The following RANBP17 variants were observed in gnomAD, a reference collection of about 807,000 sequenced individuals.
The protein encoded by RANBP17 is ran-binding protein 17.
In RANBP17, 158 loss-of-function variants were observed where a neutral mutation model predicts 141.2. The ratio of observed to expected loss-of-function variants is 1.12; its 90% CI spans 0.98 to 1.28. The LOEUF (loss-of-function observed/expected upper bound fraction) is 1.28, where lower values mean the gene tolerates loss of function less well. Among genes scored for constraint, RANBP17 ranks in the 50% most tolerant of loss-of-function variants. The probability of loss-of-function intolerance (pLI) is 0.00; values close to 1 mark genes in which losing one functional copy is unlikely to be tolerated. For missense variants in RANBP17, 1,438 were observed against 1,290.7 expected, an observed-to-expected ratio of 1.11 and a Z score of -1.75; for synonymous variants, 430 against 450.0, an observed-to-expected ratio of 0.96 and a Z score of 0.56.
At chr5:170,925,989 G>A (rs1411830951) in intron 12 of RANBP17, among the ~76,000 whole-genome samples, 1 of 152,102 alleles carries the variant, frequency 6.6e-6, no homozygotes, top group Non-Finnish European at 1.5e-5. Flanking sequence ...TAAAATCAGT[G>A]CTCCTTAACA....
In RANBP17 at chr5:171,051,023, G is replaced by A. The variant is rs1782919101; in HGVS notation, c.1710+82646G>A. ...TGTTCTACTTATATCTGACTGGGTG[G>A]TTTCTGATAAAAATTCCATGTTCAT... On this transcript the variant is annotated intron_variant, in intron 14 of 27. Transcript: ENST00000523189. Among the ~76,000 whole-genome samples, 3 of 152,142 alleles carry A rather than the reference G, an allele frequency of 2.0e-5. No homozygotes were observed. The South Asian group carries it at 6.2e-4, about 32-fold the overall frequency.
At chr5:171,111,411 C>A (rs1755222754) in intron 14 of RANBP17, among the ~76,000 whole-genome samples, 1 of 151,988 alleles carries the variant, frequency 6.6e-6, no homozygotes, top group Non-Finnish European at 1.5e-5. Context: ...TTGCTTTTTT[C>A]TTTTCCCTTC....
intron 15 of RANBP17, among the ~76,000 whole-genome samples, 194 bp downstream of exon 15, chr5:171,170,397 T>C (rs183541882): frequency 2.6e-5 from 4 of 152,272 alleles, no homozygotes; most frequent in African/African-American, 9.6e-5. Flanking sequence ...CCAAAGGACA[T>C]TGTAATTTGT....
intron 14 of RANBP17, among the ~76,000 whole-genome samples, chr5:171,079,630 C>T (rs1785142255): frequency 6.6e-6 from 1 of 152,182 alleles, no homozygotes; most frequent in African/African-American, 2.4e-5. Flanking sequence ...CGAGGCCAGA[C>T]CCTCTGCCAG....
intron 14 of RANBP17, among the ~76,000 whole-genome samples, chr5:171,035,032 A>G (rs969179051): frequency 6.6e-6 from 1 of 152,104 alleles, no homozygotes; most frequent in African/African-American, 2.4e-5. Context: ...AATAAAAAAT[A>G]AGAAAATTAA....
chr5:170,929,108 G>A (rs1271174405), intron 12 of RANBP17, among the ~76,000 whole-genome samples: 1 of 152,060 alleles, frequency 6.6e-6, no homozygotes, highest in Non-Finnish European at 1.5e-5. Flanking sequence ...TTATAACTTT[G>A]CTTAATTTAT....
At chr5:171,286,138 C>T (rs1474188516) in intron 25 of RANBP17, among the ~76,000 whole-genome samples, 1 of 152,172 alleles carries the variant, frequency 6.6e-6, no homozygotes, top group African/African-American at 2.4e-5. Flanking sequence ...AAAAGCATCC[C>T]TTAGCTTTCC....
chr5:171,283,810 C>T (rs1767998855), intron 25 of RANBP17, among the ~76,000 whole-genome samples: 1 of 150,590 alleles, frequency 6.6e-6, no homozygotes, highest in Non-Finnish European at 1.5e-5. Flanking sequence ...AAGAAAGAGA[C>T]TGGGGAAACA....
intron 12 of RANBP17, among the ~76,000 whole-genome samples, chr5:170,939,194 A>G (rs2127471935): frequency 6.6e-6 from 1 of 152,294 alleles, no homozygotes; most frequent in East Asian, 1.9e-4. Flanking sequence ...GAAAAACGAT[A>G]TACAATAGAG....
chr5:171,112,499 T>C (rs1476566032), intron 14 of RANBP17, among the ~76,000 whole-genome samples: 1 of 151,834 alleles, frequency 6.6e-6, no homozygotes, highest in Non-Finnish European at 1.5e-5. Context: ...AAGCAGGTCA[T>C]TGTCACCACA....
At chr5:171,174,390 T>C (rs1760299265) in intron 16 of RANBP17, among the ~76,000 whole-genome samples, 1 of 152,068 alleles carries the variant, frequency 6.6e-6, no homozygotes, top group African/African-American at 2.4e-5. Context: ...TCTGTCTAAA[T>C]GGGAAAAGGA....
At chr5:171,002,811 A>G (rs1779308355) in intron 14 of RANBP17, among the ~76,000 whole-genome samples, 1 of 152,126 alleles carries the variant, frequency 6.6e-6, no homozygotes, top group Admixed American at 6.5e-5. Flanking sequence ...AGAAGGAAAT[A>G]TGGGGAAATG....
chr5:170,990,240 A>G (rs904874405), intron 14 of RANBP17, among the ~76,000 whole-genome samples: 5 of 151,878 alleles, frequency 3.3e-5, no homozygotes, highest in Non-Finnish European at 7.4e-5. Flanking sequence ...AATGAATGCA[A>G]TGTGTATTTA....
At chr5:171,274,121 T>TGA (rs1450514248) in intron 25 of RANBP17, among the ~76,000 whole-genome samples, 44 of 121,100 alleles carry the variant, frequency 3.6e-4, no homozygotes, top group Non-Finnish European at 6.6e-4. Context: ...AGTGTGTGTG[T>TGA]GTGTGTGTGT....
At chr5:170,974,846 T>C (rs1278978555) in intron 14 of RANBP17, among the ~76,000 whole-genome samples, 1 of 152,172 alleles carries the variant, frequency 6.6e-6, no homozygotes, top group African/African-American at 2.4e-5. Context: ...CAAGGAGCAC[T>C]GCATGAGAAT....
chr5:171,019,777 G>T (rs759139800), intron 14 of RANBP17, among the ~76,000 whole-genome samples: 13 of 151,704 alleles, frequency 8.6e-5, no homozygotes, highest in South Asian at 6.2e-4. Context: ...CTTCAATTCA[G>T]TTCTTCTCTG....
chr5:170,896,577 G>T (rs1028107780), intron 5 of RANBP17, among the ~76,000 whole-genome samples: 2 of 152,054 alleles, frequency 1.3e-5, no homozygotes. Flanking sequence ...CGCCTGTAAT[G>T]CCAGCACTTT....
intron 22 of RANBP17, among the ~76,000 whole-genome samples, chr5:171,240,600 A>G (rs1299608474): frequency 6.6e-6 from 1 of 152,098 alleles, no homozygotes; most frequent in Non-Finnish European, 1.5e-5. Flanking sequence ...TACTGACAGG[A>G]TAACACATAG....
rs1041523035 is a variant in RANBP17 at position 170,955,820 on chromosome 5, A to G, written c.1574+2118A>G. ...TTGAGGAACAACCTAAAATTCCTGT[A>G]TATATATATATATATATCTCAGAGA... On this transcript the variant is annotated intron_variant, in intron 13 of 27. Coordinates refer to ENST00000523189, the MANE Select transcript of RANBP17 (RefSeq NM_022897.5). Among the ~76,000 whole-genome samples the G allele has an allele frequency of 2.2e-4, 28 of 129,804 alleles. 1 individual carries two copies. The highest frequency in any genetic ancestry group is 4.0e-3 in the Middle Eastern group (1 of 248). The allele number at this position is 129,804 out of a possible 152,430, so 85.2% of individuals were successfully genotyped here.
Sources: allele counts gnomAD v4.1 joint callset (sites outside exome capture counted in the v4.1 genomes callset), GRCh38; gene constraint gnomAD v4.1.1; transcripts MANE v1.5; gene names NCBI Gene and HGNC (gene_info 2026-07-23, HGNC 2026-07-21).